Variants in DLGAP2 observed in about 807,000 individuals in gnomAD.
DLGAP2 encodes the protein DLG associated protein 2.
In DLGAP2, 26 loss-of-function variants were observed where a neutral mutation model predicts 100.3. The ratio of observed to expected loss-of-function variants is 0.26; its 90% CI spans 0.19 to 0.36. The LOEUF (loss-of-function observed/expected upper bound fraction) is 0.36. Ranked by LOEUF, DLGAP2 falls within the 10% of genes least tolerant of loss-of-function variation. DLGAP2 has a pLI of 1.00. For missense variants in DLGAP2, 1,858 were observed against 1,453.2 expected, an observed-to-expected ratio of 1.28 and a Z score of -4.53; for synonymous variants, 886 against 630.1, an observed-to-expected ratio of 1.41 and a Z score of -6.08.
At chr8:1,693,021 GT>G (rs1701012625) in intron 13 of DLGAP2, among the ~76,000 whole-genome samples, 1 of 147,296 alleles carries the variant, frequency 6.8e-6, no homozygotes, top group African/African-American at 2.5e-5. Context: ...GCATCTATAT[GT>G]TTATATATAC....
At chr8:1,140,217 C>T (rs534562434) in intron 2 of DLGAP2, among the ~76,000 whole-genome samples, 2 of 152,224 alleles carry the variant, frequency 1.3e-5, no homozygotes, top group East Asian at 1.9e-4. Flanking sequence ...CGGGCCTCAG[C>T]GCTCGTCCCG....
intron 2 of DLGAP2, among the ~76,000 whole-genome samples, chr8:1,044,407 G>C (rs868028364): frequency 3.3e-5 from 5 of 152,178 alleles, no homozygotes; most frequent in African/African-American, 7.2e-5. Context: ...TGCCCAGGTG[G>C]CTGCACAGGC....
intron 4 of DLGAP2, among the ~76,000 whole-genome samples, chr8:1,506,506 C>A (rs1490326751): frequency 6.6e-6 from 1 of 152,174 alleles, no homozygotes; most frequent in Non-Finnish European, 1.5e-5. Flanking sequence ...GTGAGTGTTG[C>A]AGCTCATAAA....
intron 12 of DLGAP2, among the ~76,000 whole-genome samples, chr8:1,690,690 G>T (rs1454146804): frequency 6.1e-5 from 7 of 115,520 alleles, no homozygotes; most frequent in Non-Finnish European, 1.0e-4. Flanking sequence ...GGCGATAAAG[G>T]GAGACCCTAT....
chr8:778,695 C>T (rs1007787725), intron 1 of DLGAP2, among the ~76,000 whole-genome samples: 4 of 152,192 alleles, frequency 2.6e-5, no homozygotes, highest in Admixed American at 2.6e-4. Flanking sequence ...GCAGTCTGCC[C>T]CTTCTCAGAT....
chr8:1,506,871 T>G (rs1799938748), intron 4 of DLGAP2, among the ~76,000 whole-genome samples: 1 of 152,184 alleles, frequency 6.6e-6, no homozygotes, highest in African/African-American at 2.4e-5. Flanking sequence ...CATAGATTGG[T>G]GCATTTACAA....
intron 2 of DLGAP2, among the ~76,000 whole-genome samples, chr8:945,135 A>T (rs1036870045): frequency 6.6e-6 from 1 of 152,212 alleles, no homozygotes; most frequent in Non-Finnish European, 1.5e-5. Context: ...AGTGCACAAA[A>T]CACCCCTAAG....
chr8:785,480 C>A (rs56404106), intron 1 of DLGAP2, among the ~76,000 whole-genome samples: 1 of 137,020 alleles, frequency 7.3e-6, no homozygotes, highest in Non-Finnish European at 1.6e-5. Flanking sequence ...CTCCCCTCAG[C>A]CCCTGTGAGA....
intron 8 of DLGAP2, among the ~76,000 whole-genome samples, chr8:1,633,482 G>A (rs1044081651): frequency 1.1e-4 from 16 of 152,130 alleles, no homozygotes; most frequent in African/African-American, 2.9e-4. Context: ...ATGACTCACC[G>A]CCGCTAAGCA....
chr8:987,358 G>A (rs1800517921), intron 2 of DLGAP2, among the ~76,000 whole-genome samples: 1 of 152,152 alleles, frequency 6.6e-6, no homozygotes, highest in African/African-American at 2.4e-5. Context: ...GCTGGGAATT[G>A]CCTTTGGCCT....
At chr8:1,023,432 A>G (rs1801684565) in intron 2 of DLGAP2, among the ~76,000 whole-genome samples, 1 of 152,168 alleles carries the variant, frequency 6.6e-6, no homozygotes, top group Admixed American at 6.5e-5. Context: ...GGGTTCAAGC[A>G]GCATCCCATG....
chr8:1,621,311 G>A (rs111513872), intron 6 of DLGAP2: 12 of 152,934 alleles, frequency 7.8e-5, no homozygotes, highest in African/African-American at 2.7e-4. Context: ...TGGGACCAGG[G>A]CAGAGGAGAG....
chr8:1,012,733 C>T (rs1801332328), intron 2 of DLGAP2, among the ~76,000 whole-genome samples: 1 of 138,544 alleles, frequency 7.2e-6, no homozygotes, highest in African/African-American at 2.7e-5. Context: ...TCCGACCGGC[C>T]CCCCCACTTC....
chr8:1,390,556 G>A (rs1796325571), intron 3 of DLGAP2, among the ~76,000 whole-genome samples: 1 of 152,082 alleles, frequency 6.6e-6, no homozygotes, highest in South Asian at 2.1e-4. Context: ...GTGTGCTCCT[G>A]TATGCTTGCG....
intron 2 of DLGAP2, among the ~76,000 whole-genome samples, chr8:1,218,747 C>G (rs1387512523): frequency 6.6e-6 from 1 of 152,064 alleles, no homozygotes; most frequent in Non-Finnish European, 1.5e-5. Flanking sequence ...AATATTGATT[C>G]TTCATAACTA....
At chr8:1,330,419 G>C (rs1193276112) in intron 3 of DLGAP2, among the ~76,000 whole-genome samples, 1 of 146,636 alleles carries the variant, frequency 6.8e-6, no homozygotes, top group Non-Finnish European at 1.5e-5. Flanking sequence ...TGGGAGCACC[G>C]CTTCGCGGGG....
intron 1 of DLGAP2, among the ~76,000 whole-genome samples, chr8:883,013 G>A (rs925451173): frequency 1.3e-5 from 2 of 152,222 alleles, no homozygotes; most frequent in Admixed American, 6.5e-5. Context: ...TGCTCCACAC[G>A]GGCTCTGGTC....
At chr8:766,258 C>T (rs1325919889) in intron 1 of DLGAP2, among the ~76,000 whole-genome samples, 2 of 152,240 alleles carry the variant, frequency 1.3e-5, no homozygotes, top group Non-Finnish European at 2.9e-5. Context: ...TATGCACACA[C>T]ACCCTAGGTG....
At chr8:1,383,258 G>A (rs1010528246) in intron 3 of DLGAP2, among the ~76,000 whole-genome samples, 2 of 152,180 alleles carry the variant, frequency 1.3e-5, no homozygotes, top group African/African-American at 4.8e-5. Context: ...AAGTCATCAA[G>A]TTCTAAGGTT....
Sources: allele counts gnomAD v4.1 joint callset (sites outside exome capture counted in the v4.1 genomes callset), GRCh38; gene constraint gnomAD v4.1.1; transcripts MANE v1.5; gene names NCBI Gene and HGNC (gene_info 2026-07-23, HGNC 2026-07-21).